Variants in OPRD1 observed in about 807,000 individuals in gnomAD.
The protein encoded by OPRD1 is delta-type opioid receptor.
Under a neutral mutation model 17.5 loss-of-function variants are expected in OPRD1, and 19 were observed. The observed-to-expected ratio is 1.09, with a 90% CI of 0.76 to 1.60. The LOEUF (loss-of-function observed/expected upper bound fraction) is 1.60, where lower values mean the gene tolerates loss of function less well. Ranked by LOEUF, OPRD1 falls within the 40% of genes most tolerant of loss-of-function variation. The pLI is 0.00. For missense variants in OPRD1, 483 were observed against 547.2 expected (o/e 0.88, Z 1.17); for synonymous variants, 256 against 240.9 (o/e 1.06, Z -0.58).
chr1:28,841,745 G>A (rs758304144), intron 1 of OPRD1, among the ~76,000 whole-genome samples: 1 of 151,118 alleles, frequency 6.6e-6, no homozygotes, highest in Non-Finnish European at 1.5e-5. Context: ...ACAGAGTCTC[G>A]CTCTGTCACC....
At chr1:28,858,375 A>G (rs1257308898) in intron 1 of OPRD1, among the ~76,000 whole-genome samples, 1 of 151,614 alleles carries the variant, frequency 6.6e-6, no homozygotes, top group Non-Finnish European at 1.5e-5. Context: ...CGGCCTCCCA[A>G]AGTGCTGGGA....
In OPRD1 at chr1:28,862,893, G is replaced by C; in HGVS notation, c.729G>C (p.Val243=). 6.2e-7 allele frequency: 1 copy of C among 1,612,632 alleles called. No homozygotes were observed. Among genetic ancestry groups the C allele is most frequent in the African/African-American group, 1.3e-5 (1 of 75,080 alleles). ...YGLMLLRLRS[V]RLLSGSKEKD... is the part of the protein sequence containing the mutation. ...TCATGCTGCTGCGCCTGCGCAGTGTGCGCCTGCTGTCGGGCTCCAAGGAGA... is the reference window on the plus strand; with the variant it reads ...TCATGCTGCTGCGCCTGCGCAGTGTCCGCCTGCTGTCGGGCTCCAAGGAGA... The change falls in exon 3 of 3, where the codon GTG becomes GTC. Residue 243 remains valine (V), a synonymous_variant. Coordinates refer to ENST00000234961, the MANE Select transcript of OPRD1 (RefSeq NM_000911.4).
At chr1:28,856,894 A>T (rs911491952) in intron 1 of OPRD1, among the ~76,000 whole-genome samples, 3 of 152,012 alleles carry the variant, frequency 2.0e-5, no homozygotes, top group Admixed American at 6.6e-5. Flanking sequence ...ACCACTGTGG[A>T]TGGGAAGAGG....
chr1:28,833,830 G>T (rs183758369), intron 1 of OPRD1, among the ~76,000 whole-genome samples: 3 of 152,252 alleles, frequency 2.0e-5, no homozygotes, highest in African/African-American at 7.2e-5. Context: ...ACTACATTTG[G>T]CTATCAGGAT....
At chr1:28,839,048 CTA>C (rs1375051816) in intron 1 of OPRD1, among the ~76,000 whole-genome samples, 1 of 46,590 alleles carries the variant, frequency 2.1e-5, no homozygotes, top group Non-Finnish European at 4.3e-5. Context: ...GGAGCTGAGA[CTA>C]TGCATACTTT....
At chr1:28,846,611 A>G (rs2088945735) in intron 1 of OPRD1, among the ~76,000 whole-genome samples, 1 of 150,976 alleles carries the variant, frequency 6.6e-6, no homozygotes, top group Non-Finnish European at 1.5e-5. Flanking sequence ...TGAACCCAGG[A>G]GGTGGAGGTT....
intron 1 of OPRD1, among the ~76,000 whole-genome samples, chr1:28,837,859 C>T (rs566965968): frequency 4.1e-5 from 6 of 145,888 alleles, no homozygotes; most frequent in Non-Finnish European, 6.0e-5. Context: ...TAAGGACCCA[C>T]CCTAATCTAG....
intron 1 of OPRD1, among the ~76,000 whole-genome samples, chr1:28,858,161 G>A (rs1430398523): frequency 5.2e-5 from 7 of 134,450 alleles, no homozygotes; most frequent in African/African-American, 8.5e-5. Context: ...TGGCCCAGGC[G>A]GGAGTGCAGT....
At chr1:28,850,781 CAAAATAATAATAATAAT>C (rs1372409755) in intron 1 of OPRD1, among the ~76,000 whole-genome samples, 34 of 115,716 alleles carry the variant, frequency 2.9e-4, no homozygotes, top group Non-Finnish European at 5.0e-4. Flanking sequence ...AGATCTGTCT[CAAAATAATAATAATAAT>C]AATAATAATA....
In OPRD1 at chr1:28,862,910, C is replaced by T; in HGVS notation, c.746C>T (p.Ser249Phe). 2 of 1,612,822 alleles carry T rather than the reference C, an allele frequency of 1.2e-6. No homozygotes were observed. The highest frequency in any genetic ancestry group is 1.7e-6 in the Non-Finnish European group (2 of 1,179,976). Residue 249 changes from serine (S) to phenylalanine (F), a missense_variant, in exon 3 of 3, where the codon TCC (serine) becomes TTC (phenylalanine). Ser to Phe is a radical substitution (Grantham distance 155). Transcript: ENST00000234961. ...RLRSVRLLSG[S>F]KEKDRSLRRI... is the part of the protein sequence containing the mutation. ...CGCAGTGTGCGCCTGCTGTCGGGCT[C>T]CAAGGAGAAGGACCGCAGCCTGCGG...
intron 1 of OPRD1, among the ~76,000 whole-genome samples, 190 bp downstream of exon 1, chr1:28,812,800 A>ATG (rs986496984): frequency 5.9e-5 from 9 of 151,880 alleles, no homozygotes; most frequent in Middle Eastern, 3.4e-3. Context: ...CATCGTGTGT[A>ATG]TGTGTGTGTG....
intron 1 of OPRD1, among the ~76,000 whole-genome samples, chr1:28,828,382 C>T (rs2088783413): frequency 1.3e-5 from 2 of 152,106 alleles, no homozygotes. Context: ...ATGCTGTAAA[C>T]AGATGTGCTG....
intron 1 of OPRD1, among the ~76,000 whole-genome samples, chr1:28,841,336 G>A (rs1007122521): frequency 3.3e-5 from 5 of 152,222 alleles, no homozygotes; most frequent in African/African-American, 1.2e-4. Context: ...AGCCCAGCCC[G>A]GCCCCTTGCC....
intron 1 of OPRD1, among the ~76,000 whole-genome samples, chr1:28,846,225 G>A (rs1432103027): frequency 6.6e-6 from 1 of 152,118 alleles, no homozygotes; most frequent in Non-Finnish European, 1.5e-5. Context: ...ACTTCACATG[G>A]CTAACTCTCA....
intron 1 of OPRD1, among the ~76,000 whole-genome samples, chr1:28,846,846 TTTTC>T (rs1553150754): frequency 0.035 from 2,677 of 76,824 alleles, 65 homozygotes; most frequent in African/African-American, 0.062. Flanking sequence ...TCTTTCTTTC[TTTTC>T]TTTCTTTCTT....
At position 28,863,297 on chromosome 1, in the gene OPRD1, C is replaced by T. The variant is rs1295641702; in HGVS notation, c.*14C>T. The T allele has an allele frequency of 3.5e-6, 5 of 1,417,540 alleles. No individual in the cohort carries two copies. Among genetic ancestry groups the T allele is most frequent in the Non-Finnish European group, 4.6e-6 (5 of 1,096,592 alleles). 87.8% of individuals were successfully genotyped at this position (1,417,540 alleles called of 1,614,324 possible). On this transcript the variant is annotated 3_prime_UTR_variant, in exon 3 of 3. Coordinates refer to ENST00000234961, the MANE Select transcript of OPRD1 (RefSeq NM_000911.4). ...GCTGCCGCCTGACCAGGCCATCCGG[C>T]CCCCAGAGCGCCCCTCCCTAGTGAC...
chr1:28,815,171 G>A (rs555419403), intron 1 of OPRD1, among the ~76,000 whole-genome samples: 8 of 152,188 alleles, frequency 5.3e-5, no homozygotes, highest in African/African-American at 1.7e-4. Context: ...AGGCTGGAGC[G>A]TCGCAATCAC....
At chr1:28,853,009 C>T (rs765124779) in intron 1 of OPRD1, among the ~76,000 whole-genome samples, 1 of 152,058 alleles carries the variant, frequency 6.6e-6, no homozygotes, top group African/African-American at 2.4e-5. Flanking sequence ...CGTGAGCCAC[C>T]GCGCCCAGCC....
intron 1 of OPRD1, among the ~76,000 whole-genome samples, chr1:28,824,239 C>A (rs1360197798): frequency 6.7e-6 from 1 of 148,382 alleles, no homozygotes; most frequent in Non-Finnish European, 1.5e-5. Flanking sequence ...GCAGAATTTT[C>A]CTCCCCTGCA....
Sources: gnomAD v4.1 joint callset for allele counts (sites outside exome capture counted in the v4.1 genomes callset) on GRCh38, gnomAD v4.1.1 for gene constraint, MANE v1.5 for transcripts, NCBI Gene and HGNC (gene_info 2026-07-23, HGNC 2026-07-21) for gene names.